ST7L: variants seen among roughly 807,000 people sequenced by gnomAD.
ST7L encodes the protein suppression of tumorigenicity 7 like, also known as suppressor of tumorigenicity 7 protein-like.
ST7L carries 57 observed loss-of-function variants against 72.5 expected under a neutral mutation model. The observed-to-expected ratio is 0.79, with a 90% CI of 0.64 to 0.98. ST7L has a LOEUF of 0.98. Ranked by LOEUF, ST7L falls within the 50% of genes least tolerant of loss-of-function variation. ST7L has a pLI of 0.00. For missense variants in ST7L, 576 were observed against 672.2 expected, an observed-to-expected ratio of 0.86 and a Z score of 1.58; for synonymous variants, 221 against 240.9, an observed-to-expected ratio of 0.92 and a Z score of 0.77.
intron 4 of ST7L, among the ~76,000 whole-genome samples, chr1:112,599,127 T>TAC (rs71084480): frequency 0.026 from 2,722 of 103,774 alleles, 64 homozygotes; most frequent in African/African-American, 0.056. Context: ...TGTGTGTGTA[T>TAC]ACACACACAC....
At chr1:112,575,034 C>G (rs1046145925) in intron 11 of ST7L, among the ~76,000 whole-genome samples, 18 of 151,926 alleles carry the variant, frequency 1.2e-4, no homozygotes, top group African/African-American at 1.9e-4. Context: ...GTCAGGAGAT[C>G]GAGACCATAC....
At chr1:112,607,855 A>C (rs920469178) in intron 3 of ST7L, among the ~76,000 whole-genome samples, 1 of 152,108 alleles carries the variant, frequency 6.6e-6, no homozygotes, top group African/African-American at 2.4e-5. Context: ...AATTCTAGCA[A>C]AGAGTTAGAA....
chr1:112,619,315 C>A (rs150914503), upstream of ST7L: 206 of 607,986 alleles, frequency 3.4e-4, no homozygotes, highest in African/African-American at 3.3e-3. Flanking sequence ...AGGGAAGGGG[C>A]GGACAGCAGC....
intron 3 of ST7L, among the ~76,000 whole-genome samples, chr1:112,608,880 G>A (rs1393346570): frequency 6.6e-6 from 1 of 152,166 alleles, no homozygotes; most frequent in Non-Finnish European, 1.5e-5. Context: ...AGTGCCACCA[G>A]TTGCACTCAG....
chr1:112,566,735 T>A (rs548202630), intron 11 of ST7L, among the ~76,000 whole-genome samples: 7 of 152,194 alleles, frequency 4.6e-5, no homozygotes, highest in African/African-American at 9.6e-5. Flanking sequence ...TTCACATAAA[T>A]GGAATCATTC....
At chr1:112,585,546 C>T (rs1450020135) in intron 6 of ST7L, among the ~76,000 whole-genome samples, 12 of 151,848 alleles carry the variant, frequency 7.9e-5, no homozygotes, top group South Asian at 4.2e-4. Flanking sequence ...ATCGAGACCA[C>T]GGTGAAACCC....
intron 6 of ST7L, among the ~76,000 whole-genome samples, chr1:112,585,184 G>A (rs1285067776): frequency 5.3e-5 from 8 of 152,132 alleles, no homozygotes; most frequent in South Asian, 2.1e-4. Flanking sequence ...GGGCCACAAA[G>A]AGAAACAAAA....
Position 112,524,003 on chromosome 1 carries a change from A to AC in ST7L, c.*2009_*2010insG. On this transcript the variant is annotated 3_prime_UTR_variant, in exon 15 of 15. Coordinates refer to ENST00000358039, the MANE Select transcript of ST7L (RefSeq NM_017744.5). ...TAAAATCAGGGGCTTCAGATTAAAA[A>AC]AAAAAACAAAAAACAAAAAACAAAA... 6.6e-6 allele frequency: 1 copy of AC among 152,164 alleles called. No individual in the cohort carries two copies. Among genetic ancestry groups the AC allele is most frequent in the East Asian group, 1.9e-4 (1 of 5,174 alleles). The allele number at this position is 152,164 out of a possible 1,614,324, so 9.4% of individuals were successfully genotyped here.
intron 14 of ST7L, among the ~76,000 whole-genome samples, chr1:112,538,052 G>A (rs1186129216): frequency 2.6e-5 from 4 of 152,158 alleles, no homozygotes; most frequent in Non-Finnish European, 5.9e-5. Flanking sequence ...TCTGGCATGT[G>A]AGCTATTATG....
chr1:112,580,489 G>T (rs1663921020), intron 9 of ST7L, among the ~76,000 whole-genome samples: 1 of 152,170 alleles, frequency 6.6e-6, no homozygotes, highest in South Asian at 2.1e-4. Context: ...TATAGTGAAA[G>T]ATACCACCAG....
chr1:112,580,691 G>A (rs1571151438), intron 9 of ST7L, among the ~76,000 whole-genome samples: 1 of 152,138 alleles, frequency 6.6e-6, no homozygotes, highest in Admixed American at 6.6e-5. Context: ...TTGGGAGGCC[G>A]AGCCAGGCAG....
At chr1:112,560,007 G>C (rs1057012970) in intron 11 of ST7L, among the ~76,000 whole-genome samples, 1 of 151,908 alleles carries the variant, frequency 6.6e-6, no homozygotes, top group African/African-American at 2.4e-5. Flanking sequence ...CCTTATGCTA[G>C]CTTATTTTTT....
chr1:112,520,008 A>AG (rs1216813156), downstream of ST7L, among the ~76,000 whole-genome samples: 2 of 151,406 alleles, frequency 1.3e-5, no homozygotes, highest in African/African-American at 4.9e-5. Flanking sequence ...AGTATCTAGG[A>AG]CTACAGGCTC....
intron 9 of ST7L, among the ~76,000 whole-genome samples, 165 bp from the exon 10 acceptor site, chr1:112,578,582 T>C (rs1433765262): frequency 3.3e-5 from 5 of 152,048 alleles, no homozygotes; most frequent in African/African-American, 1.2e-4. Context: ...AAGACCGGCC[T>C]GACCAAAATG....
chr1:112,540,874 T>C (rs1331172589), intron 14 of ST7L: 3 of 1,274,274 alleles, frequency 2.4e-6, no homozygotes, highest in East Asian at 1.1e-4. Flanking sequence ...TCCTACTACC[T>C]GGTAGAAATG....
chr1:112,525,933 G>A lies in ST7L; in HGVS notation c.*80C>T, dbSNP rs752916523. 1.4e-4 allele frequency: 215 copies of A among 1,587,476 alleles called. No individual in the cohort carries two copies. Among genetic ancestry groups the A allele is most frequent in the Non-Finnish European group, 1.8e-4 (205 of 1,162,762 alleles). On this transcript the variant is annotated 3_prime_UTR_variant, in exon 15 of 15. Coordinates refer to ENST00000358039, the MANE Select transcript of ST7L (RefSeq NM_017744.5). ...TGTAATCCTCACAACAACCCTGTGA[G>A]GTAGGGGTTACTGTCACTTTACAGA...
chr1:112,536,276 T>A (rs928474557), intron 14 of ST7L, among the ~76,000 whole-genome samples: 5 of 152,174 alleles, frequency 3.3e-5, no homozygotes, highest in African/African-American at 1.2e-4. Flanking sequence ...TTTCTGAATG[T>A]GGCCCTAGGA....
intron 3 of ST7L, among the ~76,000 whole-genome samples, chr1:112,606,745 G>A (rs1431043725): frequency 6.6e-6 from 1 of 152,208 alleles, no homozygotes; most frequent in Non-Finnish European, 1.5e-5. Context: ...CAAGGTACTA[G>A]AATGGTTGGG....
downstream of ST7L, among the ~76,000 whole-genome samples, chr1:112,518,883 T>C (rs1652709384): frequency 6.6e-6 from 1 of 152,232 alleles, no homozygotes; most frequent in Non-Finnish European, 1.5e-5. Flanking sequence ...GATAGAAATG[T>C]TTTCCTATCT....
Sources: gnomAD v4.1 joint callset for allele counts (sites outside exome capture counted in the v4.1 genomes callset) on GRCh38, gnomAD v4.1.1 for gene constraint, MANE v1.5 for transcripts, NCBI Gene and HGNC (gene_info 2026-07-23, HGNC 2026-07-21) for gene names.